Variants in FBN1 observed in about 807,000 individuals in gnomAD.
FBN1 encodes fibrillin 1.
A neutral mutation model predicts 365.1 loss-of-function variants in FBN1; 29 were observed. That is an observed-to-expected ratio of 0.08 (90% CI 0.06 to 0.11). The LOEUF (loss-of-function observed/expected upper bound fraction) is 0.11, where lower values mean the gene tolerates loss of function less well. Among genes scored for constraint, FBN1 ranks in the 10% least tolerant of loss-of-function variants. FBN1 has a pLI of 1.00. For synonymous variants in FBN1, 1,210 were observed against 1,270.5 expected (o/e 0.95, Z 1.01); for missense variants, 2,476 against 3,703.2 (o/e 0.67, Z 8.60).
At chr15:48,416,204 G>A (rs1403928987) in intron 63 of FBN1, among the ~76,000 whole-genome samples, 1 of 152,172 alleles carries the variant, frequency 6.6e-6, no homozygotes, top group Non-Finnish European at 1.5e-5. Context: ...CTTCACAAGT[G>A]CCCAGCGAGG....
chr15:48,437,561 T>C (rs1027352805), intron 51 of FBN1, 174 bp from the exon 52 acceptor site: 3 of 799,050 alleles, frequency 3.8e-6, no homozygotes, highest in Non-Finnish European at 6.2e-6. Context: ...ATGTTGTGTC[T>C]ACTCCTTGGG....
Position 48,444,553 on chromosome 15 carries a change from C to T in FBN1, c.6025G>A (p.Glu2009Lys), listed in dbSNP as rs773204216. Reference sequence around the variant, plus strand: ...ATAGCTTTCCTACCTTCACACTTCTCATTTTGAAGACTGTATCCAGGTGGG... The same window carrying T: ...ATAGCTTTCCTACCTTCACACTTCTTATTTTGAAGACTGTATCCAGGTGGG... ...ICPPGYSLQN[E>K]KCEDIDECVE... The change falls in exon 49 of 66, where the codon GAG (glutamate) becomes AAG (lysine). Residue 2009 changes from glutamate (E) to lysine (K), a missense_variant. Glu to Lys is a moderately conservative substitution (Grantham distance 56, BLOSUM62 1). This residue lies in a region of FBN1 where 1,780 missense variants were observed against 2,840.8 expected (regional missense o/e 0.63). Transcript: ENST00000316623. 16 of 1,613,346 alleles carry T rather than the reference C, an allele frequency of 9.9e-6. No individual in the cohort carries two copies. The highest frequency in any genetic ancestry group is 1.7e-5 in the Admixed American group (1 of 59,942).
intron 42 of FBN1, among the ~76,000 whole-genome samples, chr15:48,462,125 G>C (rs1466860922): frequency 6.6e-6 from 1 of 152,194 alleles, no homozygotes; most frequent in East Asian, 1.9e-4. Flanking sequence ...TGCAATGTCA[G>C]GTAGTACCAA....
At chr15:48,508,533 A>G in intron 15 of FBN1, 49 bp downstream of exon 15, 2 of 1,612,516 alleles carry the variant, frequency 1.2e-6, no homozygotes, top group East Asian at 2.2e-5. Flanking sequence ...CAACATAAGG[A>G]GGAGAAAAGG....
intron 45 of FBN1, among the ~76,000 whole-genome samples, chr15:48,450,892 CATTT>C (rs2043196487): frequency 6.6e-6 from 1 of 152,062 alleles, no homozygotes; most frequent in African/African-American, 2.4e-5. Flanking sequence ...TATAGAATAG[CATTT>C]AAAGATATTT....
At chr15:48,554,223 G>A (rs1362433136) in intron 6 of FBN1, among the ~76,000 whole-genome samples, 2 of 152,166 alleles carry the variant, frequency 1.3e-5, no homozygotes, top group South Asian at 2.1e-4. Context: ...CAGATGGAAC[G>A]ACAATCTACA....
At chr15:48,441,622 C>T (rs2043115644) in intron 50 of FBN1, 99 bp downstream of exon 50, 1 of 1,443,072 alleles carries the variant, frequency 6.9e-7, no homozygotes, top group Non-Finnish European at 9.7e-7. Flanking sequence ...TCTCCATCTT[C>T]CTGTTCACAA....
chr15:48,523,908 C>T (rs1444516348), intron 9 of FBN1, among the ~76,000 whole-genome samples: 1 of 152,234 alleles, frequency 6.6e-6, no homozygotes, highest in African/African-American at 2.4e-5. Flanking sequence ...TCACTCTTTT[C>T]TCCCCTTTTG....
chr15:48,418,069 G>A (rs1219297601), intron 63 of FBN1, among the ~76,000 whole-genome samples: 1 of 152,216 alleles, frequency 6.6e-6, no homozygotes, highest in Admixed American at 6.5e-5. Flanking sequence ...CCTCCAAAGA[G>A]CAGAAGTAGG....
intron 2 of FBN1, among the ~76,000 whole-genome samples, chr15:48,617,745 G>A (rs983321157): frequency 3.9e-5 from 6 of 152,116 alleles, no homozygotes; most frequent in African/African-American, 9.7e-5. Flanking sequence ...CTCTCTCAAC[G>A]GAGCAAACAG....
At chr15:48,620,353 A>G (rs1889743945) in intron 2 of FBN1, among the ~76,000 whole-genome samples, 1 of 152,200 alleles carries the variant, frequency 6.6e-6, no homozygotes, top group African/African-American at 2.4e-5. Flanking sequence ...AATCATATCT[A>G]TTGAGTGCTT....
chr15:48,427,543 A>G (rs780230405), intron 58 of FBN1, 24 bp downstream of exon 58: 1 of 1,605,560 alleles, frequency 6.2e-7, no homozygotes, highest in Non-Finnish European at 8.5e-7. Context: ...CCCTGCAAGT[A>G]TTTTTGGACT....
chr15:48,477,402 G>A (rs932150391), intron 32 of FBN1, among the ~76,000 whole-genome samples: 2 of 152,106 alleles, frequency 1.3e-5, no homozygotes, highest in South Asian at 4.1e-4. Context: ...TCTCCATTTT[G>A]TGACTATTTG....
chr15:48,634,176 A>G (rs557175044), intron 2 of FBN1, among the ~76,000 whole-genome samples: 7 of 152,360 alleles, frequency 4.6e-5, no homozygotes, highest in African/African-American at 1.4e-4. Flanking sequence ...CTGAATGAAC[A>G]GGGGAAATGA....
intron 50 of FBN1, among the ~76,000 whole-genome samples, chr15:48,438,744 T>C (rs896154975): frequency 6.6e-6 from 1 of 152,202 alleles, no homozygotes; most frequent in African/African-American, 2.4e-5. Context: ...AGATGGGATC[T>C]ACTTCCTATA....
At chr15:48,477,667 C>T (rs988057895) in intron 32 of FBN1, among the ~76,000 whole-genome samples, 3 of 152,142 alleles carry the variant, frequency 2.0e-5, no homozygotes, top group Non-Finnish European at 2.9e-5. Context: ...AAACACTCTT[C>T]AATAACATGA....
chr15:48,607,543 G>T (rs914984637), intron 4 of FBN1, among the ~76,000 whole-genome samples: 2 of 148,120 alleles, frequency 1.4e-5, no homozygotes, highest in Non-Finnish European at 3.0e-5. Flanking sequence ...AAAAAGGCCT[G>T]GGAGACCTGT....
Position 48,495,063 on chromosome 15 carries a change from C to A in FBN1, c.2677+60G>T, listed in dbSNP as rs2043593115. 8.7e-6 allele frequency: 14 copies of A among 1,605,392 alleles called. No homozygotes were observed. The South Asian group carries it at 1.3e-4, about 15-fold the overall frequency. ...CCTAGATAAATGAAATACTAGGCTT[C>A]CCCTTTTTATGCAAAGACCATTGGA... On this transcript the variant is annotated intron_variant, in intron 22 of 65. Coordinates refer to ENST00000316623, the MANE Select transcript of FBN1 (RefSeq NM_000138.5).
intron 2 of FBN1, among the ~76,000 whole-genome samples, chr15:48,630,664 G>A (rs1889967750): frequency 6.7e-6 from 1 of 148,178 alleles, no homozygotes; most frequent in East Asian, 2.0e-4. Flanking sequence ...GAAAATACCC[G>A]GTATTTGCAG....
Sources: gnomAD v4.1 joint callset for allele counts (sites outside exome capture counted in the v4.1 genomes callset) on GRCh38, gnomAD v4.1.1 for gene constraint, gnomAD v4.1.1 regional missense constraint, MANE v1.5 for transcripts, NCBI Gene and HGNC (gene_info 2026-07-23, HGNC 2026-07-21) for gene names.